The following TEX48 variants were observed in gnomAD, a reference collection of about 807,000 sequenced individuals.
TEX48 encodes the protein testis expressed 48, also known as testis-expressed protein 48.
A neutral mutation model predicts 13.2 loss-of-function variants in TEX48; 10 were observed. That is an observed-to-expected ratio of 0.75 (90% CI 0.47 to 1.28). TEX48 has a LOEUF of 1.28. TEX48 is among the 50% of genes most tolerant of loss of function. The probability of loss-of-function intolerance (pLI) is 0.00; values close to 1 mark genes in which losing one functional copy is unlikely to be tolerated. For synonymous variants in TEX48, 45 were observed against 52.3 expected, an observed-to-expected ratio of 0.86 and a Z score of 0.60; for missense variants, 116 against 139.4, an observed-to-expected ratio of 0.83 and a Z score of 0.84.
chr9:114,676,258 G>C (rs1828061260), intron 1 of TEX48, among the ~76,000 whole-genome samples: 2 of 152,216 alleles, frequency 1.3e-5, no homozygotes, highest in South Asian at 4.1e-4. Flanking sequence ...CATCCTCCCA[G>C]GTGCAAGCGA....
In TEX48 at chr9:114,668,283, G is replaced by A. The variant is rs1402082523; in HGVS notation, c.182C>T (p.Ala61Val). 1.3e-6 allele frequency: 2 copies of A among 1,535,546 alleles called. No homozygotes were observed. The change falls in exon 4 of 5, where the codon GCA (alanine) becomes GTA (valine). Residue 61 changes from alanine (A) to valine (V), a missense_variant. Physicochemically the swap from Ala to Val is moderately conservative, Grantham distance 64 (BLOSUM62 0). Transcript: ENST00000436752. ...TGTTCTCGAAGGCAAATGGGAGACT[G>A]CGTTAATGCGCTTGGGATTTTGTCT... ...LDRQNPKRIN[A>V]VSHLPSRTPL...
In TEX48 at chr9:114,677,502, A is replaced by G. The variant is rs373361169; in HGVS notation, c.-105+4533T>C. Among the ~76,000 whole-genome samples, 17 of 152,210 alleles carry G rather than the reference A, an allele frequency of 1.1e-4. No individual in the cohort carries two copies. The East Asian group carries it at 3.1e-3, about 28-fold the overall frequency. On this transcript the variant is annotated intron_variant, in intron 1 of 4. Transcript: ENST00000436752. Reference sequence around the variant, plus strand: ...GCTTTAGTTTCAGTTGTCTTCATCCACTTATAAAAATGCTTGCCTCACGGG... The same window carrying G: ...GCTTTAGTTTCAGTTGTCTTCATCCGCTTATAAAAATGCTTGCCTCACGGG...
At chr9:114,670,155 T>C (rs541244016) in intron 3 of TEX48, among the ~76,000 whole-genome samples, 39 of 152,334 alleles carry the variant, frequency 2.6e-4, no homozygotes, top group African/African-American at 8.9e-4. Flanking sequence ...CATTTTACTG[T>C]TAAATATGAA....
At chr9:114,675,724 A>G (rs188262373) in intron 1 of TEX48, among the ~76,000 whole-genome samples, 8 of 152,312 alleles carry the variant, frequency 5.3e-5, no homozygotes, top group African/African-American at 1.7e-4. Context: ...GGGGTCCCCA[A>G]GTCTGCAGAT....
At chr9:114,681,193 A>G (rs918353399) in intron 1 of TEX48, among the ~76,000 whole-genome samples, 6 of 152,148 alleles carry the variant, frequency 3.9e-5, no homozygotes, top group Non-Finnish European at 7.4e-5. Flanking sequence ...AACCGTGGAG[A>G]TCGTCCGTAT....
intron 1 of TEX48, among the ~76,000 whole-genome samples, chr9:114,675,845 C>T (rs1828051679): frequency 6.6e-6 from 1 of 152,242 alleles, no homozygotes; most frequent in South Asian, 2.1e-4. Context: ...TCCCCAATCA[C>T]CTTTTACTGA....
At chr9:114,675,021 GCTT>G (rs2133763866) in intron 1 of TEX48, among the ~76,000 whole-genome samples, 1 of 152,070 alleles carries the variant, frequency 6.6e-6, no homozygotes, top group South Asian at 2.1e-4. Context: ...TTGAAGGTCT[GCTT>G]CTTCCCACTA....
intron 3 of TEX48, 127 bp downstream of exon 3, chr9:114,671,256 C>G: frequency 4.4e-6 from 5 of 1,146,900 alleles, no homozygotes; most frequent in Non-Finnish European, 6.0e-6. Flanking sequence ...CAACACCCAC[C>G]TCATTTTAAA....
chr9:114,667,393 T>C (rs568008670), intron 4 of TEX48, among the ~76,000 whole-genome samples: 32 of 152,252 alleles, frequency 2.1e-4, no homozygotes, highest in Non-Finnish European at 3.5e-4. Flanking sequence ...TGTCCTGGGA[T>C]TGGGCATCTG....
At chr9:114,679,894 T>A (rs1277845880) in intron 1 of TEX48, among the ~76,000 whole-genome samples, 1 of 152,124 alleles carries the variant, frequency 6.6e-6, no homozygotes, top group Non-Finnish European at 1.5e-5. Flanking sequence ...TAATTATGGA[T>A]CACAGAAACC....
At position 114,675,646 on chromosome 9, in the gene TEX48, C is replaced by T. The variant is rs527267092; in HGVS notation, c.-104-3819G>A. Reference sequence around the variant, plus strand: ...TTGGTTTGTTTGCCTCCACCTAAAGCTAGAGTTATCTGGTAGACATGTAAA... The same window carrying T: ...TTGGTTTGTTTGCCTCCACCTAAAGTTAGAGTTATCTGGTAGACATGTAAA... On this transcript the variant is annotated intron_variant, in intron 1 of 4. Transcript: ENST00000436752. Among the ~76,000 whole-genome samples the T allele has an allele frequency of 1.3e-4, 20 of 152,338 alleles. No homozygotes were observed. In the South Asian group the frequency reaches 2.5e-3, roughly 19 times the overall value.
At chr9:114,673,715 A>C (rs1018704034) in intron 1 of TEX48, among the ~76,000 whole-genome samples, 11 of 152,148 alleles carry the variant, frequency 7.2e-5, no homozygotes, top group African/African-American at 2.7e-4. Context: ...AAAAAATGCT[A>C]AGATCGAAGG....
At position 114,666,533 on chromosome 9, in the gene TEX48, T is replaced by C. The variant is rs77521529; in HGVS notation, c.*110A>G. The C allele has an allele frequency of 0.055, 34,892 of 629,948 alleles. 1,342 individuals are homozygous for C. Among genetic ancestry groups the C allele is most frequent in the East Asian group, 0.13 (4,590 of 35,228 alleles). The allele number at this position is 629,948 out of a possible 1,614,324, so 39.0% of individuals were successfully genotyped here. ...CTTGGTGGCACAAGGATGGCTCAGA[T>C]GTCTTCTCCTCCTTCAGGGGAGTTT... is the stretch of plus-strand genomic sequence containing the variant. On this transcript the variant is annotated 3_prime_UTR_variant, in exon 5 of 5. Coordinates refer to ENST00000436752, the MANE Select transcript of TEX48 (RefSeq NM_001199233.2).
intron 1 of TEX48, among the ~76,000 whole-genome samples, chr9:114,673,262 C>G (rs141627297): frequency 0.021 from 3,152 of 152,144 alleles, 51 homozygotes; most frequent in Admixed American, 0.035. Context: ...CACCTGAGGT[C>G]AGGAGTTCGA....
At chr9:114,666,830 T>C in intron 4 of TEX48, 84 bp from the exon 5 acceptor site, 1 of 701,186 alleles carries the variant, frequency 1.4e-6, no homozygotes, top group East Asian at 2.7e-5. Flanking sequence ...TTGTATCCAT[T>C]GCTGATCATT....
At chr9:114,681,997 C>T (rs1236876267) in intron 1 of TEX48, 38 bp downstream of exon 1, 2 of 152,210 alleles carry the variant, frequency 1.3e-5, no homozygotes, top group East Asian at 3.8e-4. Flanking sequence ...AAAATTATCA[C>T]CTCCCGCCCT....
At chr9:114,667,603 C>T (rs1251887566) in intron 4 of TEX48, among the ~76,000 whole-genome samples, 2 of 152,158 alleles carry the variant, frequency 1.3e-5, no homozygotes, top group African/African-American at 2.4e-5. Flanking sequence ...GAAAAATACA[C>T]GTGTAAGATG....
At chr9:114,669,552 CT>C (rs1273452341) in intron 3 of TEX48, among the ~76,000 whole-genome samples, 2 of 152,100 alleles carry the variant, frequency 1.3e-5, no homozygotes, top group Non-Finnish European at 1.5e-5. Flanking sequence ...AGCGATTCTC[CT>C]GCCTCAGCCT....
At chr9:114,678,018 A>C in intron 1 of TEX48, among the ~76,000 whole-genome samples, 1 of 152,180 alleles carries the variant, frequency 6.6e-6, no homozygotes, top group East Asian at 1.9e-4. Flanking sequence ...GCAAAAGTTC[A>C]CTAGATGACT....
Sources: allele counts gnomAD v4.1 joint callset (sites outside exome capture counted in the v4.1 genomes callset), GRCh38; gene constraint gnomAD v4.1.1; transcripts MANE v1.5; gene names NCBI Gene and HGNC (gene_info 2026-07-23, HGNC 2026-07-21).